NARS2: variants seen among roughly 807,000 people sequenced by gnomAD.
NARS2 encodes asparaginyl-tRNA synthetase 2, mitochondrial.
A neutral mutation model predicts 62.9 loss-of-function variants in NARS2; 60 were observed. That is an observed-to-expected ratio of 0.95 (90% confidence interval 0.77 to 1.18). NARS2 has a LOEUF of 1.18. NARS2 is among the 50% of genes most tolerant of loss of function. The pLI is 0.00. For synonymous variants in NARS2, 196 were observed against 200.0 expected (o/e 0.98, Z 0.17); for missense variants, 619 against 576.4 (o/e 1.07, Z -0.76).
intron 7 of NARS2, among the ~76,000 whole-genome samples, chr11:78,486,412 T>C (rs1395462351): frequency 6.6e-6 from 1 of 152,108 alleles, no homozygotes; most frequent in African/African-American, 2.4e-5. Context: ...AATGTATATG[T>C]GAAACAGACC....
At chr11:78,448,305 G>A in intron 11 of NARS2, among the ~76,000 whole-genome samples, 1 of 150,576 alleles carries the variant, frequency 6.6e-6, no homozygotes, top group African/African-American at 2.5e-5. Context: ...TGGGACAAGG[G>A]TGGGTAGTAA....
intron 11 of NARS2, among the ~76,000 whole-genome samples, chr11:78,463,557 A>C (rs1395706761): frequency 6.6e-6 from 1 of 151,984 alleles, no homozygotes; most frequent in Non-Finnish European, 1.5e-5. Flanking sequence ...GTGGCGGCAC[A>C]CGCCTATAAT....
Position 78,571,507 on chromosome 11 carries a change from C to A in NARS2, c.142-63G>T, listed in dbSNP as rs957779878. ...ATTTTACGTTTTCATTACACATACA[C>A]ACACAGACTAAATGAAAGTAAAACA... is the stretch of plus-strand genomic sequence containing the variant. On this transcript the variant is annotated intron_variant, in intron 1 of 13. Coordinates refer to ENST00000281038, the MANE Select transcript of NARS2 (RefSeq NM_024678.6). 3.6e-6 allele frequency: 4 copies of A among 1,108,506 alleles called. No homozygotes were observed. The African/African-American group carries it at 6.2e-5, about 17-fold the overall frequency. 68.7% of individuals were successfully genotyped at this position (1,108,506 alleles called of 1,614,324 possible).
intron 6 of NARS2, among the ~76,000 whole-genome samples, chr11:78,508,486 G>A (rs1860587059): frequency 6.6e-6 from 1 of 151,938 alleles, no homozygotes; most frequent in South Asian, 2.1e-4. Flanking sequence ...CTACTCAAGA[G>A]GCTAAGGCAG....
chr11:78,529,809 G>T (rs1022621242), intron 5 of NARS2, among the ~76,000 whole-genome samples: 1 of 152,112 alleles, frequency 6.6e-6, no homozygotes, highest in Non-Finnish European at 1.5e-5. Context: ...TTATAGGCAT[G>T]AGTCCCTGAG....
chr11:78,548,312 T>C (rs909742721), intron 5 of NARS2, among the ~76,000 whole-genome samples: 1 of 152,182 alleles, frequency 6.6e-6, no homozygotes, highest in Admixed American at 6.5e-5. Context: ...AAAAGTTGTT[T>C]TGAGAAGAGG....
At chr11:78,448,347 C>G (rs1042859646) in intron 11 of NARS2, among the ~76,000 whole-genome samples, 1 of 149,048 alleles carries the variant, frequency 6.7e-6, no homozygotes, top group Admixed American at 6.7e-5. Context: ...GACGGACTCT[C>G]GCTCTGTAGG....
intron 11 of NARS2, among the ~76,000 whole-genome samples, chr11:78,465,417 G>A (rs1047148022): frequency 4.6e-5 from 7 of 152,250 alleles, no homozygotes; most frequent in African/African-American, 1.2e-4. Context: ...CCGAGGAGGC[G>A]CCGAGAGCGA....
intron 6 of NARS2, among the ~76,000 whole-genome samples, chr11:78,527,820 C>T (rs887548440): frequency 6.6e-6 from 1 of 152,056 alleles, no homozygotes; most frequent in African/African-American, 2.4e-5. Context: ...TAACAAATTA[C>T]CCCCAGAGGC....
intron 6 of NARS2, among the ~76,000 whole-genome samples, chr11:78,522,119 A>ATTT (rs59159824): frequency 0.035 from 4,776 of 134,822 alleles, 282 homozygotes; most frequent in African/African-American, 0.12. Context: ...CATCCAGCTA[A>ATTT]TTTTTTTTTT....
At chr11:78,505,129 G>C (rs932436643) in intron 6 of NARS2, among the ~76,000 whole-genome samples, 1 of 151,544 alleles carries the variant, frequency 6.6e-6, no homozygotes, top group Non-Finnish European at 1.5e-5. Flanking sequence ...GCATGAAAAT[G>C]TAAAATGAAG....
chr11:78,522,951 T>C (rs1861181694), intron 6 of NARS2, among the ~76,000 whole-genome samples: 1 of 151,878 alleles, frequency 6.6e-6, no homozygotes, highest in Non-Finnish European at 1.5e-5. Flanking sequence ...CCCAGAAAAG[T>C]GAAAATGAAA....
intron 5 of NARS2, among the ~76,000 whole-genome samples, chr11:78,549,487 G>A (rs1340503626): frequency 6.6e-6 from 1 of 152,216 alleles, no homozygotes; most frequent in Non-Finnish European, 1.5e-5. Context: ...TGGTTGTGAT[G>A]AAAGGCAGAT....
At chr11:78,503,467 A>C (rs1312952328) in intron 6 of NARS2, among the ~76,000 whole-genome samples, 1 of 151,998 alleles carries the variant, frequency 6.6e-6, no homozygotes, top group East Asian at 1.9e-4. Context: ...TGAACTCCTG[A>C]CCTCAGGTGA....
chr11:78,522,534 G>A (rs1172959591), intron 6 of NARS2, among the ~76,000 whole-genome samples: 2 of 151,872 alleles, frequency 1.3e-5, no homozygotes, highest in South Asian at 2.1e-4. Context: ...TATGATATTT[G>A]TACACCAAAA....
chr11:78,438,940 T>TGATTA (rs767718579), intron 13 of NARS2, among the ~76,000 whole-genome samples: 5 of 152,088 alleles, frequency 3.3e-5, no homozygotes, highest in Non-Finnish European at 5.9e-5. Context: ...GGGAAAAGAA[T>TGATTA]GATTAATAAA....
At chr11:78,563,676 C>A (rs944840765) in intron 4 of NARS2, among the ~76,000 whole-genome samples, 3 of 147,236 alleles carry the variant, frequency 2.0e-5, no homozygotes, top group African/African-American at 7.5e-5. Context: ...ACTAAAAATA[C>A]AAAAATTAGC....
At chr11:78,547,848 C>A (rs1855940714) in intron 5 of NARS2, among the ~76,000 whole-genome samples, 2 of 150,936 alleles carry the variant, frequency 1.3e-5, no homozygotes, top group African/African-American at 4.9e-5. Context: ...CAGGTCTTCC[C>A]TAAAAGGAAC....
intron 13 of NARS2, among the ~76,000 whole-genome samples, chr11:78,440,539 T>C (rs1857545002): frequency 6.6e-6 from 1 of 151,764 alleles, no homozygotes; most frequent in South Asian, 2.1e-4. Context: ...TAATATAATT[T>C]TTTTTTTTTT....
Sources: allele counts gnomAD v4.1 joint callset (sites outside exome capture counted in the v4.1 genomes callset), GRCh38; gene constraint gnomAD v4.1.1; transcripts MANE v1.5; gene names NCBI Gene and HGNC (gene_info 2026-07-23, HGNC 2026-07-21).